Variants in LHX4 observed in about 807,000 individuals in gnomAD.
LHX4 encodes LIM/homeobox protein Lhx4.
In LHX4, 16 loss-of-function variants were observed where a neutral mutation model predicts 39.2. The observed-to-expected ratio is 0.41, with a 90% CI of 0.28 to 0.62. The LOEUF (loss-of-function observed/expected upper bound fraction) is 0.62, where lower values mean the gene tolerates loss of function less well. Among genes scored for constraint, LHX4 ranks in the 20% least tolerant of loss-of-function variants. LHX4 has a pLI of 0.33. For synonymous variants in LHX4, 206 were observed against 198.1 expected (o/e 1.04, Z -0.33); for missense variants, 439 against 511.9 (o/e 0.86, Z 1.37).
At chr1:180,269,852 G>A (rs1000765875) in intron 3 of LHX4, 10 of 152,232 alleles carry the variant, frequency 6.6e-5, no homozygotes, top group African/African-American at 2.4e-4. Flanking sequence ...TCTCTAAGTA[G>A]TGTAGTCTCT....
intron 2 of LHX4, among the ~76,000 whole-genome samples, chr1:180,249,571 C>T (rs1647516021): frequency 6.6e-6 from 1 of 152,212 alleles, no homozygotes; most frequent in African/African-American, 2.4e-5. Context: ...AACCAAGCCC[C>T]ATAGAGGCAC....
chr1:180,265,842 C>G (rs3845396), intron 2 of LHX4, among the ~76,000 whole-genome samples: 16,345 of 152,188 alleles, frequency 0.11, 1,112 homozygotes, highest in Admixed American at 0.2. Flanking sequence ...GGAGAGAGAA[C>G]AGCTGTCAGG....
Position 180,275,456 on chromosome 1 carries a change from T to C in LHX4, c.*877T>C, listed in dbSNP as rs1183405121. The C allele has an allele frequency of 3.3e-5, 5 of 152,362 alleles. No homozygotes were observed. The East Asian group carries it at 5.8e-4, about 18-fold the overall frequency. The allele number at this position is 152,362 out of a possible 1,614,324, so 9.4% of individuals were successfully genotyped here. On this transcript the variant is annotated 3_prime_UTR_variant, in exon 6 of 6. Transcript: ENST00000263726. Reference sequence around the variant, plus strand: ...AAAATGACAATCAATCAGTGAACATTTGTAGACACATTTGGATTCCAAACC... The same window carrying C: ...AAAATGACAATCAATCAGTGAACATCTGTAGACACATTTGGATTCCAAACC...
chr1:180,265,329 A>G (rs1399930083), intron 2 of LHX4, among the ~76,000 whole-genome samples: 2 of 152,166 alleles, frequency 1.3e-5, no homozygotes, highest in African/African-American at 2.4e-5. Context: ...TGCTTTCCCA[A>G]TGCCTCCCGC....
At position 180,232,281 on chromosome 1, in the gene LHX4, G is replaced by A. The variant is rs576969963; in HGVS notation, c.76+1676G>A. 3.9e-5 allele frequency among the ~76,000 whole-genome samples: 6 copies of A among 152,334 alleles called. No individual in the cohort carries two copies. In the East Asian group the frequency reaches 1.2e-3, roughly 29 times the overall value. On this transcript the variant is annotated intron_variant, in intron 1 of 5. Coordinates refer to ENST00000263726, the MANE Select transcript of LHX4 (RefSeq NM_033343.4). This position sits in a 1 kb window ranked among gnomAD's most constrained non-coding sequence, Gnocchi z 5.4. Reference sequence around the variant, plus strand: ...GTGCTTTCATGGCTGTGGTCCGTAGGTGACCTGTCTGTTGGGACCCCAATG... The same window carrying A: ...GTGCTTTCATGGCTGTGGTCCGTAGATGACCTGTCTGTTGGGACCCCAATG...
At position 180,230,590 on chromosome 1, in the gene LHX4, G is replaced by A. The variant is rs777784884; in HGVS notation, c.61G>A (p.Gly21Ser). ...TGTCAAGGGGCTCCCGGAGATGCTA[G>A]GTGTGCCGATGCAACGTAAGACACC... ...GAVKGLPEMLGVPMQQIPQCA... is the reference protein window; with the variant it reads ...GAVKGLPEMLSVPMQQIPQCA... Residue 21 changes from glycine (G) to serine (S), a missense_variant, in exon 1 of 6, where the codon GGT becomes AGT. Coordinates refer to ENST00000263726, the MANE Select transcript of LHX4 (RefSeq NM_033343.4). This position sits in a 1 kb window ranked among gnomAD's most constrained non-coding sequence, Gnocchi z 5.8. 6.8e-6 allele frequency: 11 copies of A among 1,613,660 alleles called. No homozygotes were observed. In the Admixed American group the frequency reaches 1.3e-4, roughly 20 times the overall value.
chr1:180,265,415 C>T (rs1471596735), intron 2 of LHX4, among the ~76,000 whole-genome samples: 1 of 152,188 alleles, frequency 6.6e-6, no homozygotes. Context: ...CCCAAATTTC[C>T]CTCGTCTCCT....
In LHX4 at chr1:180,230,523, C is replaced by T. The variant is rs201496412; in HGVS notation, c.-7C>T. The T allele has an allele frequency of 4.0e-5, 65 of 1,613,128 alleles. No homozygotes were observed. Among genetic ancestry groups the T allele is most frequent in the Non-Finnish European group, 5.3e-5 (62 of 1,179,410 alleles). ...GTAGACTGCGACTCGCTGGCTTTCG[C>T]TCCGAGATGATGCAGAGTGCGACTG... On this transcript the variant is annotated 5_prime_UTR_variant, in exon 1 of 6. Transcript: ENST00000263726. This position sits in a 1 kb window ranked among gnomAD's most constrained non-coding sequence, Gnocchi z 5.8.
In LHX4 at chr1:180,230,345, G is replaced by C. The variant is rs1225670905; in HGVS notation, c.-185G>C. ...TCAAAGGGACTGGAAACAGACTGGG[G>C]ACTGGCGGGGGGAGGGGGCCGGCCA... On this transcript the variant is annotated 5_prime_UTR_variant, in exon 1 of 6. Transcript: ENST00000263726. The surrounding 1 kb of genome is among the most constrained non-coding windows in gnomAD (Gnocchi z 5.8). The C allele has an allele frequency of 1.5e-6, 1 of 645,254 alleles. No individual in the cohort carries two copies. Among genetic ancestry groups the C allele is most frequent in the African/African-American group, 1.8e-5 (1 of 55,612 alleles). The allele number at this position is 645,254 out of a possible 1,614,324, so 40.0% of individuals were successfully genotyped here. A position where few individuals can be genotyped will look rare whatever the true frequency, so the allele number is the denominator to read the frequency against.
At chr1:180,260,461 C>G (rs561539156) in intron 2 of LHX4, among the ~76,000 whole-genome samples, 1 of 151,656 alleles carries the variant, frequency 6.6e-6, no homozygotes, top group Admixed American at 6.6e-5. Context: ...GCCAGGTGGT[C>G]GGGAGCAGCA....
Position 180,275,229 on chromosome 1 carries a change from A to G in LHX4, c.*650A>G, listed in dbSNP as rs930441787. 16 of 152,300 alleles carry G rather than the reference A, an allele frequency of 1.1e-4. No individual in the cohort carries two copies. The highest frequency in any genetic ancestry group is 3.9e-4 in the African/African-American group (16 of 41,554). The allele number at this position is 152,300 out of a possible 1,614,324, so 9.4% of individuals were successfully genotyped here. ...ACCTGTTTTGGTTTTTAAGTGTCCC[A>G]TCTATATCATTGACTCTGATGGCAA... On this transcript the variant is annotated 3_prime_UTR_variant, in exon 6 of 6. Transcript: ENST00000263726.
chr1:180,245,466 C>G (rs1647349102), intron 1 of LHX4, among the ~76,000 whole-genome samples: 1 of 152,224 alleles, frequency 6.6e-6, no homozygotes, highest in South Asian at 2.1e-4. Context: ...ATGGGGCAGA[C>G]AGGCATGGCC....
At chr1:180,236,756 A>T (rs1233608628) in intron 1 of LHX4, among the ~76,000 whole-genome samples, 2 of 152,118 alleles carry the variant, frequency 1.3e-5, no homozygotes. Flanking sequence ...AATAGAGCTG[A>T]GGAGCTTTGG....
intron 1 of LHX4, among the ~76,000 whole-genome samples, chr1:180,240,259 T>C (rs946293474): frequency 6.6e-6 from 1 of 152,168 alleles, no homozygotes; most frequent in Non-Finnish European, 1.5e-5. Flanking sequence ...GTCTCGAACT[T>C]CTGGGTTCAA....
rs926020706 is a variant in LHX4, at chr1:180,276,168, C to G, written c.*1589C>G. Reference sequence around the variant, plus strand: ...GAAAGGGTGAGAAGGCATTGCCTATCACATGAAGTGATGGGGCCAGAGACC... The same window carrying G: ...GAAAGGGTGAGAAGGCATTGCCTATGACATGAAGTGATGGGGCCAGAGACC... On this transcript the variant is annotated 3_prime_UTR_variant, in exon 6 of 6. Transcript: ENST00000263726. The G allele has an allele frequency of 8.5e-5, 13 of 152,244 alleles. No individual in the cohort carries two copies. The highest frequency in any genetic ancestry group is 3.1e-4 in the African/African-American group (13 of 41,456). 9.4% of individuals were successfully genotyped at this position (152,244 alleles called of 1,614,324 possible).
rs1193780519 is a variant in LHX4 at position 180,232,717 on chromosome 1, A to T, written c.76+2112A>T. Among the ~76,000 whole-genome samples the T allele has an allele frequency of 6.6e-6, 1 of 152,198 alleles. No homozygotes were observed. The highest frequency in any genetic ancestry group is 1.5e-5 in the Non-Finnish European group (1 of 68,030). On this transcript the variant is annotated intron_variant, in intron 1 of 5. Coordinates refer to ENST00000263726, the MANE Select transcript of LHX4 (RefSeq NM_033343.4). This position sits in a 1 kb window ranked among gnomAD's most constrained non-coding sequence, Gnocchi z 5.4. ...AATGGATTGTAGCCTCCCTTGCAGC[A>T]CATCTGGCCTCTGGCTGTTAGGCTG...
upstream of LHX4, among the ~76,000 whole-genome samples, chr1:180,229,097 G>A (rs1664091815): frequency 6.6e-6 from 1 of 152,194 alleles, no homozygotes. Flanking sequence ...AGAAACTCGC[G>A]TTGAGGAGAA....
intron 2 of LHX4, among the ~76,000 whole-genome samples, chr1:180,251,542 A>T (rs1397310936): frequency 6.6e-6 from 1 of 152,034 alleles, no homozygotes; most frequent in Admixed American, 6.5e-5. Context: ...TCTGTTACTC[A>T]TTTTTCTGTC....
chr1:180,263,711 T>C (rs1423124571), intron 2 of LHX4, among the ~76,000 whole-genome samples: 1 of 152,224 alleles, frequency 6.6e-6, no homozygotes, highest in African/African-American at 2.4e-5. Flanking sequence ...GTAGATTAAA[T>C]TTATACCCCC....
Sources: allele counts gnomAD v4.1 joint callset (sites outside exome capture counted in the v4.1 genomes callset), GRCh38; gene constraint gnomAD v4.1.1; non-coding constraint Gnocchi (gnomAD v3.1); transcripts MANE v1.5; gene names NCBI Gene and HGNC (gene_info 2026-07-23, HGNC 2026-07-21).